LRRC37A2: variants seen among roughly 807,000 people sequenced by gnomAD.
The protein encoded by LRRC37A2 is leucine-rich repeat-containing protein 37A2.
A neutral mutation model predicts 68.8 loss-of-function variants in LRRC37A2; 9 were observed. The ratio of observed to expected loss-of-function variants is 0.13; its 90% confidence interval spans 0.08 to 0.23. The LOEUF (loss-of-function observed/expected upper bound fraction) is 0.23. Among genes scored for constraint, LRRC37A2 ranks in the 10% least tolerant of loss-of-function variants. The probability of loss-of-function intolerance (pLI) is 1.00; values close to 1 mark genes in which losing one functional copy is unlikely to be tolerated. For synonymous variants in LRRC37A2, 63 were observed against 367.6 expected (o/e 0.17, Z 9.48); for missense variants, 168 against 950.4 (o/e 0.18, Z 10.82).
At chr17:46,979,467 T>A in the LRRC37A2 span, among the ~76,000 whole-genome samples, 1 of 152,224 alleles carries the variant, frequency 6.6e-6, no homozygotes, top group Non-Finnish European at 1.5e-5. Flanking sequence ...TGGCACCCGC[T>A]GTCCGTTCTT....
the LRRC37A2 span, among the ~76,000 whole-genome samples, chr17:46,996,843 G>A: frequency 3.3e-5 from 5 of 152,088 alleles, no homozygotes; most frequent in Non-Finnish European, 1.5e-5. Flanking sequence ...TGATTTTGTC[G>A]GTTGACTGGG....
the LRRC37A2 span, among the ~76,000 whole-genome samples, chr17:46,568,375 AAAAT>A: frequency 1.6e-5 from 2 of 123,574 alleles, no homozygotes; most frequent in East Asian, 5.3e-4. Flanking sequence ...GAAATGAACC[AAAAT>A]CTAATCAAGT....
chr17:46,900,202 T>TATACACACAC, the LRRC37A2 span, among the ~76,000 whole-genome samples: 11 of 101,170 alleles, frequency 1.1e-4, no homozygotes, highest in African/African-American at 4.6e-4. Context: ...TATATATATA[T>TATACACACAC]ACACACACAC....
chr17:46,850,070 G>A, the LRRC37A2 span, among the ~76,000 whole-genome samples: 6 of 152,112 alleles, frequency 3.9e-5, no homozygotes. Flanking sequence ...GGCTGGTCTC[G>A]AATTCCTGAC....
At chr17:46,385,251 T>C in the LRRC37A2 span, among the ~76,000 whole-genome samples, 1 of 78,634 alleles carries the variant, frequency 1.3e-5, no homozygotes, top group African/African-American at 4.6e-5. Flanking sequence ...GGGGATATTA[T>C]GATTCTTGAA....
the LRRC37A2 span, among the ~76,000 whole-genome samples, chr17:46,943,390 C>T: frequency 1.8e-3 from 281 of 152,350 alleles, no homozygotes; most frequent in African/African-American, 6.3e-3. Context: ...CCTGGTGTTC[C>T]GTCCTCCCTG....
chr17:46,467,424 G>A, the LRRC37A2 span, among the ~76,000 whole-genome samples: 1 of 86,592 alleles, frequency 1.2e-5, no homozygotes, highest in Non-Finnish European at 2.4e-5. Flanking sequence ...TGGGTCTAAC[G>A]GACCCTAATG....
the LRRC37A2 span, chr17:47,005,531 G>T: frequency 1.3e-5 from 2 of 152,158 alleles, no homozygotes; most frequent in African/African-American, 4.8e-5. Flanking sequence ...ATGCTCATCG[G>T]ATTCCTGTCT....
chr17:46,846,677 G>A, the LRRC37A2 span, among the ~76,000 whole-genome samples: 1 of 152,242 alleles, frequency 6.6e-6, no homozygotes, highest in Admixed American at 6.5e-5. Context: ...TGAACTCAAA[G>A]ATGCTGCTGG....
chr17:46,823,174 T>TTATATATAATATATTATATATATA, the LRRC37A2 span, among the ~76,000 whole-genome samples: 2 of 128,904 alleles, frequency 1.6e-5, no homozygotes, highest in African/African-American at 6.3e-5. Flanking sequence ...TATTATATAT[T>TTATATATAATATATTATATATATA]TATATATAAT....
chr17:46,868,996 G>C, the LRRC37A2 span, among the ~76,000 whole-genome samples: 1 of 152,178 alleles, frequency 6.6e-6, no homozygotes, highest in African/African-American at 2.4e-5. Context: ...AAGGAAATAC[G>C]ATCCCAAACT....
the LRRC37A2 span, among the ~76,000 whole-genome samples, chr17:46,841,233 T>C: frequency 6.6e-6 from 1 of 152,178 alleles, no homozygotes; most frequent in African/African-American, 2.4e-5. Flanking sequence ...AGCAGCTTTC[T>C]CCCTATTTAC....
chr17:46,978,791 G>A, the LRRC37A2 span: 1 of 1,611,940 alleles, frequency 6.2e-7, no homozygotes, highest in Non-Finnish European at 8.5e-7. Flanking sequence ...AGCACGCAGA[G>A]CACGGCGATC....
At chr17:47,010,274 C>T in the LRRC37A2 span, among the ~76,000 whole-genome samples, 2 of 152,190 alleles carry the variant, frequency 1.3e-5, no homozygotes, top group Admixed American at 1.3e-4. Flanking sequence ...GCTCCACCAG[C>T]TTCCACTTGC....
At chr17:46,957,099 A>G in the LRRC37A2 span, among the ~76,000 whole-genome samples, 42 of 152,314 alleles carry the variant, frequency 2.8e-4, no homozygotes, top group East Asian at 7.9e-3. Context: ...GTGTGAACCC[A>G]GGAGTTCAAA....
the LRRC37A2 span, among the ~76,000 whole-genome samples, chr17:46,968,086 G>A: frequency 1.3e-5 from 2 of 152,062 alleles, no homozygotes; most frequent in Admixed American, 6.6e-5. Flanking sequence ...TGGGGCATAT[G>A]GCATGGCCCA....
the LRRC37A2 span, among the ~76,000 whole-genome samples, chr17:46,861,183 T>C: frequency 3.6e-3 from 550 of 152,354 alleles, 2 homozygotes; most frequent in African/African-American, 0.012. Flanking sequence ...GCCCAGGCCC[T>C]GCACTTGGTG....
At chr17:46,905,797 TGTGTGTGTGTGTGTGTGC>T in the LRRC37A2 span, among the ~76,000 whole-genome samples, 2 of 100,166 alleles carry the variant, frequency 2.0e-5, no homozygotes, top group Admixed American at 9.6e-5. Flanking sequence ...TGTGTGTGTG[TGTGTGTGTGTGTGTGTGC>T]GTTTGTTGGG....
the LRRC37A2 span, among the ~76,000 whole-genome samples, chr17:46,781,283 G>A: frequency 6.6e-5 from 10 of 151,018 alleles, no homozygotes; most frequent in African/African-American, 2.2e-4. Flanking sequence ...AAGCTACAAC[G>A]TAGAGGAAAC....
Sources: gnomAD v4.1 joint callset for allele counts (sites outside exome capture counted in the v4.1 genomes callset) on GRCh38, gnomAD v4.1.1 for gene constraint, MANE v1.5 for transcripts, NCBI Gene and HGNC (gene_info 2026-07-23, HGNC 2026-07-21) for gene names.